CCDC7: variants seen among roughly 807,000 people sequenced by gnomAD.
CCDC7 encodes coiled-coil domain containing 7, also known as coiled-coil domain-containing protein 7.
CCDC7 carries 183 observed loss-of-function variants against 196.9 expected under a neutral mutation model. That is an observed-to-expected ratio of 0.93 (90% CI 0.82 to 1.05). CCDC7 has a LOEUF of 1.05. Ranked by LOEUF, CCDC7 falls within the 50% of genes least tolerant of loss-of-function variation. The probability of loss-of-function intolerance (pLI) is 0.00; values close to 1 mark genes in which losing one functional copy is unlikely to be tolerated. For synonymous variants in CCDC7, 525 were observed against 484.6 expected (o/e 1.08, Z -1.10); for missense variants, 1,540 against 1,482.2 (o/e 1.04, Z -0.64).
At chr10:32,753,688 G>A (rs764946488) in intron 28 of CCDC7, among the ~76,000 whole-genome samples, 19 of 152,070 alleles carry the variant, frequency 1.2e-4, no homozygotes, top group Middle Eastern at 3.4e-3. Context: ...CTCTTCTTTC[G>A]CTCTTGCTAT....
intron 9 of CCDC7, among the ~76,000 whole-genome samples, chr10:32,508,538 A>G (rs1021283074): frequency 3.3e-5 from 5 of 152,226 alleles, no homozygotes; most frequent in Non-Finnish European, 5.9e-5. Context: ...CATAAAACAA[A>G]TCCTAAAATT....
intron 36 of CCDC7, 69 bp downstream of exon 37, chr10:32,846,028 A>T: frequency 8.7e-7 from 1 of 1,153,192 alleles, no homozygotes; most frequent in South Asian, 1.3e-5. Flanking sequence ...ATTGAAGTAT[A>T]GACCTTTAAT....
chr10:32,527,390 G>A (rs969448064), intron 11 of CCDC7, among the ~76,000 whole-genome samples: 7 of 150,626 alleles, frequency 4.6e-5, no homozygotes, highest in Non-Finnish European at 4.4e-5. Context: ...TTGCTCACCT[G>A]ATTTTTGGTT....
In CCDC7 at chr10:32,830,121, G is replaced by GATATATATATACATAT. The variant is rs373724864; in HGVS notation, c.3269-4683_3269-4682insCATATATATATATATA. On this transcript the variant is annotated intron_variant, in intron 32 of 41. Coordinates refer to ENST00000639629, the Ensembl canonical transcript of CCDC7. ...TCCTATTAGTTCTTATATATATAAG[G>GATATATATATACATAT]ATATATATATATATATATATCCTAT... 2.0e-3 allele frequency among the ~76,000 whole-genome samples: 100 copies of GATATATATATACATAT among 50,666 alleles called. 10 individuals carry two copies. The highest frequency in any genetic ancestry group is 4.2e-3 in the African/African-American group (92 of 22,156). The allele number at this position is 50,666 out of a possible 152,430, so 33.2% of individuals were successfully genotyped here.
intron 21 of CCDC7, among the ~76,000 whole-genome samples, chr10:32,676,945 C>T (rs973481277): frequency 6.6e-6 from 1 of 152,016 alleles, no homozygotes. Context: ...GCACTATTCA[C>T]AATACAAAGA....
At chr10:32,462,841 T>C (rs2036012093) in intron 4 of CCDC7, 138 bp downstream of exon 5, 1 of 1,266,616 alleles carries the variant, frequency 7.9e-7, no homozygotes, top group African/African-American at 1.5e-5. Flanking sequence ...AATTTTATGT[T>C]CATTTGTATA....
At chr10:32,854,650 A>G (rs916503228) in intron 41 of CCDC7, among the ~76,000 whole-genome samples, 161 bp downstream of exon 42, 1 of 152,210 alleles carries the variant, frequency 6.6e-6, no homozygotes, top group East Asian at 1.9e-4. Flanking sequence ...AAGTAAAAAT[A>G]TATATGTAAA....
At chr10:32,870,069 G>C (rs2094369822) in intron 41 of CCDC7, among the ~76,000 whole-genome samples, 1 of 152,026 alleles carries the variant, frequency 6.6e-6, no homozygotes, top group Non-Finnish European at 1.5e-5. Flanking sequence ...GATTGACTTG[G>C]CAATGCGGGC....
At chr10:32,471,437 T>C (rs1388928505) in intron 6 of CCDC7, among the ~76,000 whole-genome samples, 3 of 152,166 alleles carry the variant, frequency 2.0e-5, no homozygotes, top group Non-Finnish European at 4.4e-5. Context: ...GCTATGCAAA[T>C]TCAATGTAGA....
intron 25 of CCDC7, among the ~76,000 whole-genome samples, chr10:32,726,367 T>C (rs930249836): frequency 2.0e-5 from 3 of 151,928 alleles, no homozygotes; most frequent in Non-Finnish European, 4.4e-5. Flanking sequence ...TTTAGATGTG[T>C]TGAATATTTT....
intron 28 of CCDC7, among the ~76,000 whole-genome samples, chr10:32,755,761 C>T (rs920799064): frequency 1.4e-4 from 21 of 152,102 alleles, no homozygotes; most frequent in Admixed American, 9.8e-4. Context: ...ATGACTTTGA[C>T]GAGTTGAGAG....
At chr10:32,699,198 T>TC (rs2078226818) in intron 24 of CCDC7, among the ~76,000 whole-genome samples, 2 of 86,510 alleles carry the variant, frequency 2.3e-5, no homozygotes, top group Non-Finnish European at 2.2e-5. Flanking sequence ...ATGCTAGCCC[T>TC]CCCCCCTCCC....
chr10:32,693,209 T>G (rs952705655), intron 23 of CCDC7, among the ~76,000 whole-genome samples: 4 of 152,232 alleles, frequency 2.6e-5, no homozygotes, highest in Non-Finnish European at 4.4e-5. Context: ...TTTAATTTTG[T>G]TTTTGAAATT....
At chr10:32,784,487 C>G (rs530116339) in intron 29 of CCDC7, among the ~76,000 whole-genome samples, 2 of 152,306 alleles carry the variant, frequency 1.3e-5, no homozygotes, top group Non-Finnish European at 2.9e-5. Context: ...GTTTGGTTTT[C>G]TGTTCCTGCG....
At chr10:32,866,664 G>C (rs2094208518) in intron 41 of CCDC7, among the ~76,000 whole-genome samples, 1 of 151,434 alleles carries the variant, frequency 6.6e-6, no homozygotes, top group African/African-American at 2.4e-5. Flanking sequence ...GAAGGAAGCA[G>C]AGGGAGGAAA....
downstream of CCDC7, chr10:32,876,459 C>A: frequency 6.9e-7 from 1 of 1,452,632 alleles, no homozygotes; most frequent in Non-Finnish European, 9.6e-7. Context: ...AAGGAAATTG[C>A]AAGTATAGAA....
At chr10:32,787,385 T>C (rs1342957030) in intron 29 of CCDC7, among the ~76,000 whole-genome samples, 1 of 152,160 alleles carries the variant, frequency 6.6e-6, no homozygotes, top group Non-Finnish European at 1.5e-5. Context: ...TATCTACACA[T>C]GAAAATACCT....
intron 28 of CCDC7, among the ~76,000 whole-genome samples, chr10:32,755,865 A>T (rs2076353491): frequency 6.6e-6 from 1 of 152,208 alleles, no homozygotes; most frequent in Admixed American, 6.5e-5. Context: ...TTGAAAAAAG[A>T]TGAGACGAAT....
chr10:32,882,780 G>A (rs796552652), exon 23 of CCDC7: 3 of 152,156 alleles, frequency 2.0e-5, no homozygotes, highest in South Asian at 2.1e-4. Flanking sequence ...CTGTGATGAG[G>A]TTCCAGCTTA....
Sources: gnomAD v4.1 joint callset for allele counts (sites outside exome capture counted in the v4.1 genomes callset) on GRCh38, gnomAD v4.1.1 for gene constraint, MANE v1.5 for transcripts, NCBI Gene and HGNC (gene_info 2026-07-23, HGNC 2026-07-21) for gene names.